The following HS3ST5 variants were observed in gnomAD, a reference collection of about 807,000 sequenced individuals.
HS3ST5 encodes the protein heparan sulfate glucosamine 3-O-sulfotransferase 5.
A neutral mutation model predicts 25.4 loss-of-function variants in HS3ST5; 10 were observed. The observed-to-expected ratio is 0.39, with a 90% CI of 0.24 to 0.67. The LOEUF is 0.67. Among genes scored for constraint, HS3ST5 ranks in the 30% least tolerant of loss-of-function variants. HS3ST5 has a pLI of 0.44. For synonymous variants in HS3ST5, 170 were observed against 162.4 expected, an observed-to-expected ratio of 1.05 and a Z score of -0.36; for missense variants, 324 against 420.7, an observed-to-expected ratio of 0.77 and a Z score of 2.01.
chr6:114,234,170 A>C (rs1440030780), intron 1 of HS3ST5, among the ~76,000 whole-genome samples: 2 of 152,166 alleles, frequency 1.3e-5, no homozygotes, highest in African/African-American at 4.8e-5. Flanking sequence ...TTCGGGCTCT[A>C]AAAAACAACT....
At chr6:114,318,897 G>A (rs958418139) in intron 1 of HS3ST5, among the ~76,000 whole-genome samples, 27 of 152,188 alleles carry the variant, frequency 1.8e-4, no homozygotes, top group Middle Eastern at 3.4e-3. Context: ...TTTTTTCTAA[G>A]AATGATTAAA....
rs1264664821 is a variant in HS3ST5, at chr6:114,274,588, T to C, written c.-338-45810A>G. 2.0e-5 allele frequency among the ~76,000 whole-genome samples: 3 copies of C among 152,020 alleles called. No individual in the cohort carries two copies. In the East Asian group the frequency reaches 5.8e-4, roughly 30 times the overall value. On this transcript the variant is annotated intron_variant, in intron 1 of 4. Transcript: ENST00000312719. Reference sequence around the variant, plus strand: ...TGACAGTGAAAAGATAAAGAATCAATGGATCACAGGCCTCTAGAAATTTCT... The same window carrying C: ...TGACAGTGAAAAGATAAAGAATCAACGGATCACAGGCCTCTAGAAATTTCT...
intron 3 of HS3ST5, among the ~76,000 whole-genome samples, chr6:114,149,068 A>C (rs906641496): frequency 6.6e-6 from 1 of 152,238 alleles, no homozygotes; most frequent in Non-Finnish European, 1.5e-5. Flanking sequence ...GATTATTAAA[A>C]AGTCAGGAAA....
intron 1 of HS3ST5, among the ~76,000 whole-genome samples, chr6:114,297,228 G>A (rs897465868): frequency 4.6e-5 from 7 of 151,624 alleles, no homozygotes; most frequent in African/African-American, 7.3e-5. Flanking sequence ...GATATACACC[G>A]GACCACTACA....
At chr6:114,108,350 G>T (rs1776093331) in intron 3 of HS3ST5, among the ~76,000 whole-genome samples, 1 of 152,134 alleles carries the variant, frequency 6.6e-6, no homozygotes, top group Non-Finnish European at 1.5e-5. Flanking sequence ...AAAGGAACTG[G>T]CTGCAGCACT....
chr6:114,141,861 TGTGTGTG>T (rs1777920894), intron 3 of HS3ST5, among the ~76,000 whole-genome samples: 1 of 1,228 alleles, frequency 8.1e-4, no homozygotes, highest in Non-Finnish European at 0.015. Context: ...TGATAGTTTG[TGTGTGTG>T]TGTGTGTGTG....
At chr6:114,269,781 T>C (rs890815439) in intron 1 of HS3ST5, among the ~76,000 whole-genome samples, 2 of 152,184 alleles carry the variant, frequency 1.3e-5, no homozygotes, top group African/African-American at 4.8e-5. Context: ...AATTTTAGAC[T>C]AGAAGATCCT....
chr6:114,067,721 C>A (rs1361188602), intron 3 of HS3ST5, among the ~76,000 whole-genome samples: 1 of 152,110 alleles, frequency 6.6e-6, no homozygotes, highest in Non-Finnish European at 1.5e-5. Context: ...TATGGCAGGC[C>A]CGGTACGCAT....
At chr6:114,333,159 A>G (rs539333569) in intron 1 of HS3ST5, among the ~76,000 whole-genome samples, 6 of 152,310 alleles carry the variant, frequency 3.9e-5, no homozygotes, top group African/African-American at 1.4e-4. Context: ...GCCTGAACTT[A>G]AGGAATAGCA....
intron 1 of HS3ST5, among the ~76,000 whole-genome samples, chr6:114,249,097 A>T (rs1772521919): frequency 6.6e-6 from 1 of 152,224 alleles, no homozygotes; most frequent in Non-Finnish European, 1.5e-5. Flanking sequence ...TAGGCAATTT[A>T]ACCAATGAAA....
At chr6:114,109,106 T>C (rs1776133062) in intron 3 of HS3ST5, among the ~76,000 whole-genome samples, 1 of 151,982 alleles carries the variant, frequency 6.6e-6, no homozygotes, top group African/African-American at 2.4e-5. Context: ...AAGGCTGCAG[T>C]GACCTGTGTT....
intron 3 of HS3ST5, among the ~76,000 whole-genome samples, chr6:114,123,243 G>A (rs940363272): frequency 1.3e-5 from 2 of 152,204 alleles, no homozygotes; most frequent in African/African-American, 2.4e-5. Flanking sequence ...GTGAGCCATC[G>A]CGCCCAGCCA....
At chr6:114,088,135 T>C (rs151202745) in intron 3 of HS3ST5, among the ~76,000 whole-genome samples, 1 of 152,350 alleles carries the variant, frequency 6.6e-6, no homozygotes, top group East Asian at 1.9e-4. Flanking sequence ...CTTTTTCTAA[T>C]GAGGCCTCTA....
At chr6:114,294,373 G>T (rs147249514) in intron 1 of HS3ST5, among the ~76,000 whole-genome samples, 28 of 151,964 alleles carry the variant, frequency 1.8e-4, no homozygotes, top group African/African-American at 6.8e-4. Flanking sequence ...TAAAAACTTG[G>T]ATTAGATGGT....
chr6:114,323,024 G>A lies in HS3ST5; in HGVS notation c.-339+19171C>T, dbSNP rs573339082. ...CCTGATAAATGCTGCTCTGCTGGTC[G>A]GGGACTTAAAGTGCAGACTTGGAGT... is the stretch of plus-strand genomic sequence containing the variant. On this transcript the variant is annotated intron_variant, in intron 1 of 4. Transcript: ENST00000312719. Among the ~76,000 whole-genome samples the A allele has an allele frequency of 6.6e-4, 101 of 152,152 alleles. 2 individuals are homozygous for A. The highest frequency in any genetic ancestry group is 3.5e-3 in the South Asian group (17 of 4,822).
chr6:114,269,553 C>T (rs147357735), intron 1 of HS3ST5, among the ~76,000 whole-genome samples: 1 of 152,134 alleles, frequency 6.6e-6, no homozygotes, highest in Non-Finnish European at 1.5e-5. Context: ...AAAACAACAG[C>T]CATTTCCCCC....
intron 3 of HS3ST5, among the ~76,000 whole-genome samples, chr6:114,149,822 G>T (rs1199923444): frequency 6.6e-6 from 1 of 152,128 alleles, no homozygotes; most frequent in Non-Finnish European, 1.5e-5. Context: ...ATGGAAAAAA[G>T]TGTAATACAC....
chr6:114,226,922 G>T (rs1027833900), intron 2 of HS3ST5, among the ~76,000 whole-genome samples: 1 of 151,832 alleles, frequency 6.6e-6, no homozygotes, highest in South Asian at 2.1e-4. Context: ...GATGAGTAAA[G>T]GTATGCTTCT....
chr6:114,243,214 C>T (rs914396710), intron 1 of HS3ST5, among the ~76,000 whole-genome samples: 1 of 152,188 alleles, frequency 6.6e-6, no homozygotes, highest in Non-Finnish European at 1.5e-5. Flanking sequence ...CCCACAGACC[C>T]ATGAGCTAGA....
Sources: allele counts gnomAD v4.1 joint callset (sites outside exome capture counted in the v4.1 genomes callset), GRCh38; gene constraint gnomAD v4.1.1; transcripts MANE v1.5; gene names NCBI Gene and HGNC (gene_info 2026-07-23, HGNC 2026-07-21).